Variants in PRTFDC1 observed in about 807,000 individuals in gnomAD.
PRTFDC1 encodes the protein phosphoribosyltransferase domain-containing protein 1.
In PRTFDC1, 38 loss-of-function variants were observed where a neutral mutation model predicts 34.6. The ratio of observed to expected loss-of-function variants is 1.10; its 90% confidence interval spans 0.85 to 1.44. The LOEUF is 1.44. Ranked by LOEUF, PRTFDC1 falls within the 40% of genes most tolerant of loss-of-function variation. The probability of loss-of-function intolerance (pLI) is 0.00; values close to 1 mark genes in which losing one functional copy is unlikely to be tolerated. For missense variants in PRTFDC1, 270 were observed against 283.0 expected, an observed-to-expected ratio of 0.95 and a Z score of 0.33; for synonymous variants, 93 against 98.1, an observed-to-expected ratio of 0.95 and a Z score of 0.31.
intron 3 of PRTFDC1, among the ~76,000 whole-genome samples, chr10:24,930,770 T>A (rs1365798817): frequency 6.6e-6 from 1 of 152,198 alleles, no homozygotes; most frequent in Non-Finnish European, 1.5e-5. Flanking sequence ...GCCTGTTTCT[T>A]ATTTTGTGTC....
At chr10:24,888,202 G>C (rs569253773) in intron 3 of PRTFDC1, among the ~76,000 whole-genome samples, 87 of 152,302 alleles carry the variant, frequency 5.7e-4, no homozygotes, top group African/African-American at 1.9e-3. Context: ...GCAGCTCGAG[G>C]ATAGGGACTT....
chr10:24,898,342 G>A (rs1274132758), intron 3 of PRTFDC1, among the ~76,000 whole-genome samples: 1 of 150,346 alleles, frequency 6.7e-6, no homozygotes, highest in African/African-American at 2.4e-5. Flanking sequence ...CGCACACCTG[G>A]AGTGTCAGCT....
At chr10:24,894,984 G>T (rs1848326400) in intron 3 of PRTFDC1, among the ~76,000 whole-genome samples, 1 of 152,134 alleles carries the variant, frequency 6.6e-6, no homozygotes, top group Non-Finnish European at 1.5e-5. Context: ...AAGCCGAGTG[G>T]TTCATGAAAG....
intron 3 of PRTFDC1, among the ~76,000 whole-genome samples, chr10:24,905,219 G>C (rs1284665976): frequency 6.6e-6 from 1 of 152,008 alleles, no homozygotes; most frequent in Non-Finnish European, 1.5e-5. Flanking sequence ...AGTCAGAGGT[G>C]GGCGGATTGC....
intron 3 of PRTFDC1, among the ~76,000 whole-genome samples, chr10:24,928,093 A>G (rs1848908977): frequency 6.6e-6 from 1 of 152,054 alleles, no homozygotes; most frequent in Non-Finnish European, 1.5e-5. Context: ...AATTTAGAGC[A>G]TTTTTTCTTT....
intron 2 of PRTFDC1, among the ~76,000 whole-genome samples, chr10:24,941,725 G>T (rs1274349667): frequency 6.6e-6 from 1 of 152,090 alleles, no homozygotes; most frequent in African/African-American, 2.4e-5. Flanking sequence ...AGAAAATTCA[G>T]GTAAGAAATG....
In PRTFDC1 at chr10:24,876,611, T is replaced by C. The variant is rs1174829150; in HGVS notation, c.340-4548A>G. Reference sequence around the variant, plus strand: ...CGGGAGGCTGAGGCAGGAGAATCGCTTGAACCTGGAAGGTGGAGGTTGCAG... The same window carrying C: ...CGGGAGGCTGAGGCAGGAGAATCGCCTGAACCTGGAAGGTGGAGGTTGCAG... On this transcript the variant is annotated intron_variant, in intron 3 of 8. Coordinates refer to ENST00000320152, the MANE Select transcript of PRTFDC1 (RefSeq NM_020200.7). Among the ~76,000 whole-genome samples the C allele has an allele frequency of 1.3e-5, 2 of 152,136 alleles. 1 individual carries two copies. Among genetic ancestry groups the C allele is most frequent in the African/African-American group, 4.8e-5 (2 of 41,424 alleles).
chr10:24,895,626 G>C (rs1848342442), intron 3 of PRTFDC1, among the ~76,000 whole-genome samples: 1 of 141,628 alleles, frequency 7.1e-6, no homozygotes, highest in Non-Finnish European at 1.5e-5. Context: ...TAGGGAAAAG[G>C]AACAGCACTG....
intron 6 of PRTFDC1, 138 bp downstream of exon 6, chr10:24,856,775 T>C (rs1391355852): frequency 1.2e-5 from 9 of 752,786 alleles, no homozygotes; most frequent in Non-Finnish European, 2.1e-5. Context: ...TTCAGTGTGG[T>C]CAAGCTGTAA....
intron 4 of PRTFDC1, among the ~76,000 whole-genome samples, chr10:24,870,026 G>A (rs1023697539): frequency 6.6e-6 from 1 of 152,136 alleles, no homozygotes; most frequent in African/African-American, 2.4e-5. Context: ...TGGGGAGACA[G>A]GCAAATAAAA....
At chr10:24,916,622 G>C (rs1056564865) in intron 3 of PRTFDC1, among the ~76,000 whole-genome samples, 1 of 152,050 alleles carries the variant, frequency 6.6e-6, no homozygotes, top group Admixed American at 6.6e-5. Context: ...TCTGCATGGG[G>C]AGCCTTTGTT....
chr10:24,855,490 T>C (rs1365283708), intron 6 of PRTFDC1, 126 bp from the exon 7 acceptor site: 2 of 1,113,514 alleles, frequency 1.8e-6, no homozygotes, highest in African/African-American at 1.6e-5. Flanking sequence ...ATATAGATGG[T>C]TCTGGATAAA....
intron 3 of PRTFDC1, among the ~76,000 whole-genome samples, chr10:24,909,073 G>A (rs990854508): frequency 3.3e-5 from 5 of 152,138 alleles, no homozygotes; most frequent in African/African-American, 9.7e-5. Flanking sequence ...TTGAGGCCAG[G>A]AGCTCAAAAC....
intron 3 of PRTFDC1, among the ~76,000 whole-genome samples, chr10:24,919,360 C>CA (rs1848745296): frequency 6.6e-6 from 1 of 152,096 alleles, no homozygotes; most frequent in African/African-American, 2.4e-5. Context: ...TTTGACAAAC[C>CA]AGACAAAAAC....
chr10:24,907,063 G>A (rs1056000140), intron 3 of PRTFDC1, among the ~76,000 whole-genome samples: 3 of 152,080 alleles, frequency 2.0e-5, no homozygotes, highest in African/African-American at 7.2e-5. Context: ...GTATAAAAAT[G>A]GGGCCAGGTG....
At chr10:24,858,808 AT>A (rs1312699927) in intron 4 of PRTFDC1, among the ~76,000 whole-genome samples, 1 of 152,170 alleles carries the variant, frequency 6.6e-6, no homozygotes, top group Non-Finnish European at 1.5e-5. Flanking sequence ...TGCTCGGTAA[AT>A]GCATCATGGG....
chr10:24,860,374 C>T (rs1333884304), intron 4 of PRTFDC1, among the ~76,000 whole-genome samples: 1 of 152,030 alleles, frequency 6.6e-6, no homozygotes, highest in African/African-American at 2.4e-5. Context: ...GGGTGAGACT[C>T]CATCTCAAAA....
intron 3 of PRTFDC1, among the ~76,000 whole-genome samples, chr10:24,892,851 C>G (rs571756386): frequency 6.6e-6 from 1 of 152,232 alleles, no homozygotes; most frequent in Non-Finnish European, 1.5e-5. Flanking sequence ...GTACCACTGG[C>G]AAGCATGGGT....
At chr10:24,944,149 C>T (rs565813328) in intron 1 of PRTFDC1, among the ~76,000 whole-genome samples, 74 of 152,220 alleles carry the variant, frequency 4.9e-4, no homozygotes, top group African/African-American at 1.7e-3. Context: ...TTGCTGACTG[C>T]CCCCGGCCTC....
Sources: allele counts gnomAD v4.1 joint callset (sites outside exome capture counted in the v4.1 genomes callset), GRCh38; gene constraint gnomAD v4.1.1; transcripts MANE v1.5; gene names NCBI Gene and HGNC (gene_info 2026-07-23, HGNC 2026-07-21).